Variants in BCL2L10 observed in about 807,000 individuals in gnomAD.
The protein encoded by BCL2L10 is BCL2 like 10.
BCL2L10 carries 14 observed loss-of-function variants against 11.1 expected under a neutral mutation model. The observed-to-expected ratio is 1.26, with a 90% CI of 0.83 to 1.96. The LOEUF is 1.96. Among genes scored for constraint, BCL2L10 ranks in the 30% most tolerant of loss-of-function variants. The pLI is 0.00. For synonymous variants in BCL2L10, 154 were observed against 133.4 expected, an observed-to-expected ratio of 1.15 and a Z score of -1.07; for missense variants, 309 against 273.9, an observed-to-expected ratio of 1.13 and a Z score of -0.90.
At chr15:52,110,890 C>T (rs1376074801) in intron 1 of BCL2L10, among the ~76,000 whole-genome samples, 3 of 152,200 alleles carry the variant, frequency 2.0e-5, no homozygotes, top group African/African-American at 2.4e-5. Context: ...AGACAGGGCT[C>T]AGGTGAGGCT....
intron 1 of BCL2L10, 32 bp downstream of exon 1, chr15:52,112,206 G>A (rs761438024): frequency 2.1e-6 from 3 of 1,453,670 alleles, no homozygotes; most frequent in South Asian, 1.4e-5. Flanking sequence ...TGCCCGTCCC[G>A]CCCCGTGTCC....
In BCL2L10 at chr15:52,112,450, T is replaced by C. The variant is rs2033073668; in HGVS notation, c.277A>G (p.Thr93Ala). 3 of 1,606,374 alleles carry C rather than the reference T, an allele frequency of 1.9e-6. No homozygotes were observed. Among genetic ancestry groups the C allele is most frequent in the Non-Finnish European group, 1.7e-6 (2 of 1,179,442 alleles). Reference protein sequence around the residue: ...DSVLSDSPGPTWGRVVTLVTF... With the variant: ...DSVLSDSPGPAWGRVVTLVTF... ...ACGAGCGTCACCACTCTGCCCCAGG[T>C]GGGGCCGGGGCTGTCGGAGAGCACG... Residue 93 changes from threonine to alanine, a missense_variant, in exon 1 of 2, where the codon ACC (threonine) becomes GCC (alanine). Coordinates refer to ENST00000260442, the MANE Select transcript of BCL2L10 (RefSeq NM_020396.4).
rs781619001 is a variant in BCL2L10 at position 52,112,418 on chromosome 15, G to T, written c.309C>A (p.Phe103Leu). The change falls in exon 1 of 2, where the codon TTC becomes TTA. Residue 103 changes from phenylalanine to leucine, a missense_variant. Phe to Leu is a conservative substitution (Grantham distance 22, BLOSUM62 0). Coordinates refer to ENST00000260442, the MANE Select transcript of BCL2L10 (RefSeq NM_020396.4). ...GCCCTCTCTCCAGCAGCGTCCCTGC[G>T]AAGGTCACGAGCGTCACCACTCTGC... ...TWGRVVTLVT[F>L]AGTLLERGPL... 1.9e-6 allele frequency: 3 copies of T among 1,607,326 alleles called. No individual in the cohort carries two copies. The highest frequency in any genetic ancestry group is 3.3e-5 in the Admixed American group (2 of 59,938).
chr15:52,109,765 T>C lies in BCL2L10; in HGVS notation c.*83A>G, dbSNP rs752355275. ...AAACGTCTGGGGTGGGGGAAGGTGC[T>C]TTCCCTCAGTTCTTGTTCTCACACA... On this transcript the variant is annotated 3_prime_UTR_variant, in exon 2 of 2. Coordinates refer to ENST00000260442, the MANE Select transcript of BCL2L10 (RefSeq NM_020396.4). 1.3e-5 allele frequency: 20 copies of C among 1,556,278 alleles called. No homozygotes were observed. Among genetic ancestry groups the C allele is most frequent in the Non-Finnish European group, 1.8e-5 (20 of 1,141,680 alleles).
Position 52,109,986 on chromosome 15 carries a change from G to A in BCL2L10, c.490-13C>T. On this transcript the variant is annotated splice_polypyrimidine_tract_variant and intron_variant, in intron 1 of 1. Transcript: ENST00000260442. Reference sequence around the variant, plus strand: ...GACAAAAGCCATCCTACAGGGGGGAGAGAGAAAAGTTAGATTGCCTCATGA... The same window carrying A: ...GACAAAAGCCATCCTACAGGGGGGAAAGAGAAAAGTTAGATTGCCTCATGA... The A allele has an allele frequency of 4.4e-6, 7 of 1,590,908 alleles. No individual in the cohort carries two copies. The highest frequency in any genetic ancestry group is 5.1e-6 in the Non-Finnish European group (6 of 1,169,468).
rs540534800 is a variant in BCL2L10 at position 52,109,868 on chromosome 15, G to T, written c.595C>A (p.Leu199Ile). The T allele has an allele frequency of 1.2e-6, 2 of 1,613,932 alleles. No homozygotes were observed. The highest frequency in any genetic ancestry group is 1.7e-5 in the Admixed American group (1 of 60,010). The change falls in exon 2 of 2, where the codon CTC becomes ATC. Residue 199 changes from leucine to isoleucine, a missense_variant. Transcript: ENST00000260442. ...SCLLTTAFIY[L>I]WTRLL ...AAAACTCATAATAATCGTGTCCAGA[G>T]ATAAATGAAGGCTGTTGTTAACAAG...
intron 1 of BCL2L10, among the ~76,000 whole-genome samples, chr15:52,110,631 C>A (rs2033040149): frequency 6.6e-6 from 1 of 152,114 alleles, no homozygotes; most frequent in African/African-American, 2.4e-5. Context: ...GGGGGTTTCA[C>A]CATGTTGGTC....
In BCL2L10 at chr15:52,112,759, C is replaced by A; in HGVS notation, c.-33G>T. 6.7e-7 allele frequency: 1 copy of A among 1,495,014 alleles called. No individual in the cohort carries two copies. Among genetic ancestry groups the A allele is most frequent in the Non-Finnish European group, 8.9e-7 (1 of 1,129,706 alleles). 92.6% of individuals were successfully genotyped at this position (1,495,014 alleles called of 1,614,324 possible). Reference sequence around the variant, plus strand: ...CCTCTGCTGGGGGGCCGGGCCTTCGCTGGTTTTCTTGGCCCGGCCGCGCCT... The same window carrying A: ...CCTCTGCTGGGGGGCCGGGCCTTCGATGGTTTTCTTGGCCCGGCCGCGCCT... On this transcript the variant is annotated 5_prime_UTR_variant, in exon 1 of 2. Coordinates refer to ENST00000260442, the MANE Select transcript of BCL2L10 (RefSeq NM_020396.4).
In BCL2L10 at chr15:52,111,394, A is replaced by G. The variant is rs1020221409; in HGVS notation, c.489+844T>C. Among the ~76,000 whole-genome samples, 14 of 151,706 alleles carry G rather than the reference A, an allele frequency of 9.2e-5. No individual in the cohort carries two copies. The South Asian group carries it at 2.7e-3, about 29-fold the overall frequency. Reference sequence around the variant, plus strand: ...GAAAAAAAGAAAAAGGTCTAAATGGAAACTGCCCCCAGGAGGCTACATTTC... The same window carrying G: ...GAAAAAAAGAAAAAGGTCTAAATGGGAACTGCCCCCAGGAGGCTACATTTC... On this transcript the variant is annotated intron_variant, in intron 1 of 1. Transcript: ENST00000260442.
intron 1 of BCL2L10, 90 bp downstream of exon 1, chr15:52,112,148 T>C (rs2141169918): frequency 7.1e-7 from 1 of 1,399,090 alleles, no homozygotes. Flanking sequence ...TCCAGGGGCC[T>C]GGCGCGGTGG....
At chr15:52,110,072 G>A in intron 1 of BCL2L10, 99 bp from the exon 2 acceptor site, 2 of 1,254,290 alleles carry the variant, frequency 1.6e-6, no homozygotes, top group Non-Finnish European at 2.2e-6. Flanking sequence ...AGTAAAGTTT[G>A]GATTTAAAAA....
intron 1 of BCL2L10, among the ~76,000 whole-genome samples, chr15:52,110,948 C>A (rs866976277): frequency 4.6e-5 from 7 of 152,032 alleles, no homozygotes; most frequent in Admixed American, 1.3e-4. Flanking sequence ...GGGTTGAAGA[C>A]CAACACTAAC....
intron 1 of BCL2L10, among the ~76,000 whole-genome samples, chr15:52,111,935 C>A (rs1427034334): frequency 1.3e-5 from 2 of 152,186 alleles, no homozygotes; most frequent in Non-Finnish European, 2.9e-5. Context: ...GTGGGTGCCC[C>A]CCTAAAAGTC....
rs964793149 is a variant in BCL2L10, at chr15:52,112,753, C to A, written c.-27G>T. 3 of 1,501,316 alleles carry A rather than the reference C, an allele frequency of 2.0e-6. No individual in the cohort carries two copies. The highest frequency in any genetic ancestry group is 1.2e-5 in the South Asian group (1 of 80,374). The allele number at this position is 1,501,316 out of a possible 1,614,324, so 93.0% of individuals were successfully genotyped here. ...GTCCGGCCTCTGCTGGGGGGCCGGG[C>A]CTTCGCTGGTTTTCTTGGCCCGGCC... On this transcript the variant is annotated 5_prime_UTR_variant, in exon 1 of 2. Transcript: ENST00000260442.
In BCL2L10 at chr15:52,112,595, G is replaced by C. The variant is rs756609739; in HGVS notation, c.132C>G (p.Pro44=). Residue 44 remains proline, a synonymous_variant, in exon 1 of 2, where the codon CCC becomes CCG. Coordinates refer to ENST00000260442, the MANE Select transcript of BCL2L10 (RefSeq NM_020396.4). ...PGTPEPAPST[P]EAAVLRSAAA... ...CCGCGGAGCGCAGCACGGCGGCCTC[G>C]GGCGTGGATGGCGCCGGCTCGGGGG... The C allele has an allele frequency of 5.7e-6, 9 of 1,578,580 alleles. No individual in the cohort carries two copies. The highest frequency in any genetic ancestry group is 1.1e-5 in the South Asian group (1 of 87,732).
chr15:52,111,133 G>A (rs1040713788), intron 1 of BCL2L10, among the ~76,000 whole-genome samples: 5 of 150,068 alleles, frequency 3.3e-5, no homozygotes, highest in Non-Finnish European at 7.4e-5. Flanking sequence ...TCAAGAGATC[G>A]AGATCTTGGC....
chr15:52,110,012 T>C (rs775806110), intron 1 of BCL2L10, 39 bp from the exon 2 acceptor site: 2 of 1,558,142 alleles, frequency 1.3e-6, no homozygotes, highest in Non-Finnish European at 1.7e-6. Flanking sequence ...TGCCTCATGA[T>C]GCTGAGAACC....
chr15:52,112,655 G>C lies in BCL2L10; in HGVS notation c.72C>G (p.Ala24=). ...PLRERTELLL[A]DYLGYCAREP... is the part of the protein sequence containing the mutation. ...CCCGGGCGCAGTACCCCAGGTAGTC[G>C]GCCAGCAACAGCTCGGTGCGCTCCC... is the stretch of plus-strand genomic sequence containing the variant. The change falls in exon 1 of 2, where the codon GCC becomes GCG. Residue 24 remains alanine (A), a synonymous_variant. Coordinates refer to ENST00000260442, the MANE Select transcript of BCL2L10 (RefSeq NM_020396.4). 1 of 1,555,100 alleles carries C rather than the reference G, an allele frequency of 6.4e-7. No homozygotes were observed. Among genetic ancestry groups the C allele is most frequent in the Non-Finnish European group, 8.6e-7 (1 of 1,157,980 alleles).
chr15:52,112,037 A>T (rs2033063767), intron 1 of BCL2L10: 2 of 1,117,434 alleles, frequency 1.8e-6, no homozygotes, highest in African/African-American at 1.7e-5. Flanking sequence ...AAGAAGGCCG[A>T]TTTCTGCCGG....
Sources: allele counts gnomAD v4.1 joint callset (sites outside exome capture counted in the v4.1 genomes callset), GRCh38; gene constraint gnomAD v4.1.1; transcripts MANE v1.5; gene names NCBI Gene and HGNC (gene_info 2026-07-23, HGNC 2026-07-21).